The following XYLT1 variants were observed in gnomAD, a reference collection of about 807,000 sequenced individuals.
The protein encoded by XYLT1 is beta-D-xylosyltransferase 1.
A neutral mutation model predicts 91.3 loss-of-function variants in XYLT1; 36 were observed. That is an observed-to-expected ratio of 0.39 (90% confidence interval 0.30 to 0.52). The LOEUF (loss-of-function observed/expected upper bound fraction) is 0.52, where lower values mean the gene tolerates loss of function less well. Among genes scored for constraint, XYLT1 ranks in the 20% least tolerant of loss-of-function variants. XYLT1 has a pLI of 0.68. For missense variants in XYLT1, 1,242 were observed against 1,284.5 expected, an observed-to-expected ratio of 0.97 and a Z score of 0.51; for synonymous variants, 588 against 532.0, an observed-to-expected ratio of 1.11 and a Z score of -1.45.
At chr16:17,185,414 G>C (rs2032162562) in intron 5 of XYLT1, among the ~76,000 whole-genome samples, 1 of 152,158 alleles carries the variant, frequency 6.6e-6, no homozygotes, top group Non-Finnish European at 1.5e-5. Context: ...TCGAACCCAG[G>C]AACTTTGGGG....
At chr16:17,371,165 G>T in intron 1 of XYLT1, among the ~76,000 whole-genome samples, 1 of 152,190 alleles carries the variant, frequency 6.6e-6, no homozygotes, top group African/African-American at 2.4e-5. Context: ...AAGGCAGAGA[G>T]CAAAGTTGAC....
At chr16:17,219,280 C>CAAAAAAAAAAAAAAAAA (rs369055155) in intron 3 of XYLT1, among the ~76,000 whole-genome samples, 28 of 84,972 alleles carry the variant, frequency 3.3e-4, no homozygotes, top group African/African-American at 5.6e-4. Context: ...GACTTTGTCT[C>CAAAAAAAAAAAAAAAAA]AAAAAAAAAA....
chr16:17,259,170 C>A lies in XYLT1; in HGVS notation c.731G>T (p.Gly244Val). 1 of 1,599,302 alleles carries A rather than the reference C, an allele frequency of 6.3e-7. No homozygotes were observed. The highest frequency in any genetic ancestry group is 8.5e-7 in the Non-Finnish European group (1 of 1,172,852). The change falls in exon 3 of 12, where the codon GGC becomes GTC. Residue 244 changes from glycine (G) to valine (V), a missense_variant. Transcript: ENST00000261381. Reference sequence around the variant, plus strand: ...GTCATACTTGGTCTCGGGGGAGCTGCCCCCAGTTTTCCTGGCATGAGGCGG... The same window carrying A: ...GTCATACTTGGTCTCGGGGGAGCTGACCCCAGTTTTCCTGGCATGAGGCGG... ...SRPPHARKTG[G>V]SSPETKYDQP...
At chr16:17,207,402 C>A (rs974135871) in intron 3 of XYLT1, among the ~76,000 whole-genome samples, 2 of 152,120 alleles carry the variant, frequency 1.3e-5, no homozygotes, top group Non-Finnish European at 2.9e-5. Flanking sequence ...TCCCTATGAG[C>A]CAAGGTCATG....
chr16:17,251,837 T>C (rs1205308976), intron 3 of XYLT1, among the ~76,000 whole-genome samples: 1 of 151,574 alleles, frequency 6.6e-6, no homozygotes, highest in Non-Finnish European at 1.5e-5. Flanking sequence ...GGGGAAGAGG[T>C]GGTCCTGGAA....
At chr16:17,351,334 G>A (rs6498688) in intron 2 of XYLT1, among the ~76,000 whole-genome samples, 74,225 of 151,906 alleles carry the variant, frequency 0.49, 20,147 homozygotes, top group African/African-American at 0.72. Context: ...CCGACATGGT[G>A]AAACTCCATT....
At chr16:17,154,613 A>G (rs1468188567) in intron 6 of XYLT1, among the ~76,000 whole-genome samples, 2 of 152,204 alleles carry the variant, frequency 1.3e-5, no homozygotes, top group Non-Finnish European at 2.9e-5. Context: ...TGGGAAAATG[A>G]CAATTGTGCT....
At chr16:17,432,049 T>C (rs1432957630) in intron 1 of XYLT1, among the ~76,000 whole-genome samples, 1 of 152,132 alleles carries the variant, frequency 6.6e-6, no homozygotes, top group Non-Finnish European at 1.5e-5. Flanking sequence ...CGGTATTTAA[T>C]AAACCTCTTC....
chr16:17,140,437 G>A (rs1286886418), intron 7 of XYLT1, among the ~76,000 whole-genome samples: 1 of 152,044 alleles, frequency 6.6e-6, no homozygotes, highest in Non-Finnish European at 1.5e-5. Flanking sequence ...GAGGCAGGAG[G>A]ACCACTTGAG....
At chr16:17,405,118 G>C in intron 1 of XYLT1, among the ~76,000 whole-genome samples, 1 of 152,314 alleles carries the variant, frequency 6.6e-6, no homozygotes, top group Admixed American at 6.5e-5. Context: ...TCAATGTCGC[G>C]GCTGTGCAGA....
At chr16:17,199,892 C>G (rs561791305) in intron 4 of XYLT1, among the ~76,000 whole-genome samples, 1 of 152,170 alleles carries the variant, frequency 6.6e-6, no homozygotes, top group South Asian at 2.1e-4. Flanking sequence ...ATGTGAGAGG[C>G]AGGCAGAGGG....
intron 1 of XYLT1, among the ~76,000 whole-genome samples, chr16:17,415,839 T>G (rs2036173808): frequency 6.6e-6 from 1 of 151,936 alleles, no homozygotes; most frequent in African/African-American, 2.4e-5. Flanking sequence ...CGGGAAGTGT[T>G]GAATAAAGGG....
chr16:17,180,622 C>T (rs1276060495), intron 5 of XYLT1, among the ~76,000 whole-genome samples: 1 of 152,196 alleles, frequency 6.6e-6, no homozygotes, highest in Non-Finnish European at 1.5e-5. Context: ...AAGGGAACAA[C>T]CACCATTGTG....
chr16:17,466,728 T>C (rs2036902488), intron 1 of XYLT1, among the ~76,000 whole-genome samples: 1 of 152,266 alleles, frequency 6.6e-6, no homozygotes, highest in South Asian at 2.1e-4. Context: ...AACATATCTA[T>C]ACCTACGTAT....
chr16:17,322,797 T>A (rs1439731826), intron 2 of XYLT1, among the ~76,000 whole-genome samples: 1 of 152,212 alleles, frequency 6.6e-6, no homozygotes, highest in African/African-American at 2.4e-5. Flanking sequence ...CCAACACTTG[T>A]GCAAGTGTTT....
chr16:17,291,406 C>T (rs571596536), intron 2 of XYLT1, among the ~76,000 whole-genome samples: 1 of 152,152 alleles, frequency 6.6e-6, no homozygotes, highest in Non-Finnish European at 1.5e-5. Flanking sequence ...ACACAGATGT[C>T]GAAACTGAGG....
chr16:17,461,566 T>G (rs898330414), intron 1 of XYLT1, among the ~76,000 whole-genome samples: 5 of 152,000 alleles, frequency 3.3e-5, no homozygotes, highest in Non-Finnish European at 5.9e-5. Flanking sequence ...GATGGACAGA[T>G]GGATGGATGA....
chr16:17,379,812 CCAGA>C (rs2035657081), intron 1 of XYLT1, among the ~76,000 whole-genome samples: 1 of 146,242 alleles, frequency 6.8e-6, no homozygotes, highest in African/African-American at 2.5e-5. Flanking sequence ...CTCCAGAGAG[CCAGA>C]CATTCACTCT....
chr16:17,165,152 G>A (rs2031646368), intron 5 of XYLT1, among the ~76,000 whole-genome samples: 2 of 152,168 alleles, frequency 1.3e-5, no homozygotes, highest in Non-Finnish European at 2.9e-5. Flanking sequence ...ACCAGCAATA[G>A]CAACATCATC....
Sources: allele counts gnomAD v4.1 joint callset (sites outside exome capture counted in the v4.1 genomes callset), GRCh38; gene constraint gnomAD v4.1.1; transcripts MANE v1.5; gene names NCBI Gene and HGNC (gene_info 2026-07-23, HGNC 2026-07-21).